Variants in GMEB1 observed in about 807,000 individuals in gnomAD.
GMEB1 encodes the protein glucocorticoid modulatory element binding protein 1, also known as glucocorticoid modulatory element-binding protein 1.
GMEB1 carries 6 observed loss-of-function variants against 52.4 expected under a neutral mutation model. The ratio of observed to expected loss-of-function variants is 0.11; its 90% CI spans 0.06 to 0.23. The LOEUF is 0.23. GMEB1 is among the 10% of genes least tolerant of loss of function. The pLI, the probability that GMEB1 is intolerant of heterozygous loss-of-function variation, is 1.00. For synonymous variants in GMEB1, 255 were observed against 244.9 expected, an observed-to-expected ratio of 1.04 and a Z score of -0.38; for missense variants, 486 against 685.6, an observed-to-expected ratio of 0.71 and a Z score of 3.25.
At chr1:28,702,411 T>C in intron 6 of GMEB1, 27 bp from the exon 7 acceptor site, 3 of 1,606,508 alleles carry the variant, frequency 1.9e-6, no homozygotes, top group Non-Finnish European at 2.6e-6. Flanking sequence ...AAATTCACTG[T>C]TCTCACCTCT....
At chr1:28,708,269 A>T (rs1374687862) in intron 8 of GMEB1, among the ~76,000 whole-genome samples, 2 of 151,754 alleles carry the variant, frequency 1.3e-5, no homozygotes, top group African/African-American at 4.8e-5. Flanking sequence ...GGTTCACACC[A>T]TTCTCCTGCC....
intron 7 of GMEB1, among the ~76,000 whole-genome samples, chr1:28,703,200 T>G (rs925473358): frequency 2.0e-5 from 3 of 152,148 alleles, no homozygotes; most frequent in Non-Finnish European, 2.9e-5. Flanking sequence ...TTTGAGATAT[T>G]AGAAGGAAAA....
chr1:28,668,769 TG>T (rs1436741607), upstream of GMEB1: 1 of 150,600 alleles, frequency 6.6e-6, no homozygotes, highest in Non-Finnish European at 1.5e-5. Flanking sequence ...GTAGCTGCCG[TG>T]GCGGCCTCTG....
intron 4 of GMEB1, 89 bp downstream of exon 4, chr1:28,691,798 T>TAG (rs528350265): frequency 5.6e-5 from 23 of 407,474 alleles, no homozygotes; most frequent in African/African-American, 5.0e-4. Context: ...TCTTCCACTA[T>TAG]ATCAGTTTTA....
intron 1 of GMEB1, among the ~76,000 whole-genome samples, chr1:28,681,609 C>A (rs1272191797): frequency 6.6e-6 from 1 of 152,018 alleles, no homozygotes; most frequent in East Asian, 1.9e-4. Context: ...ATTTTGGGAC[C>A]ATTGAGGGAA....
chr1:28,714,384 C>A lies in GMEB1; in HGVS notation c.1303C>A (p.Leu435Ile). ...TVHTLPSGPQ[L>I]FRYATVVSSA... ...CCACACACTGCCTTCTGGCCCTCAG[C>A]TCTTCCGCTATGCCACAGTGGTCTC... Residue 435 changes from leucine to isoleucine, a missense_variant, in exon 10 of 10, where the codon CTC becomes ATC. Transcript: ENST00000373816. The A allele has an allele frequency of 6.2e-7, 1 of 1,614,238 alleles. No homozygotes were observed. The highest frequency in any genetic ancestry group is 1.1e-5 in the South Asian group (1 of 91,086).
intron 1 of GMEB1, among the ~76,000 whole-genome samples, chr1:28,675,244 C>T (rs1669097096): frequency 6.6e-6 from 1 of 151,632 alleles, no homozygotes; most frequent in Admixed American, 6.6e-5. Flanking sequence ...GTCTTGATCT[C>T]CTGACCTTGT....
intron 5 of GMEB1, 31 bp downstream of exon 5, chr1:28,693,076 A>C: frequency 1.7e-6 from 2 of 1,157,794 alleles, no homozygotes; most frequent in Non-Finnish European, 2.5e-6. Context: ...CATACCTTTC[A>C]ACAAACTTTG....
At chr1:28,693,365 C>T (rs1173396738) in intron 5 of GMEB1, among the ~76,000 whole-genome samples, 3 of 150,256 alleles carry the variant, frequency 2.0e-5, no homozygotes, top group Non-Finnish European at 4.4e-5. Flanking sequence ...TTACAGGTGC[C>T]CACCACCACG....
At chr1:28,682,032 C>A (rs1053915080) in intron 1 of GMEB1, among the ~76,000 whole-genome samples, 2 of 152,028 alleles carry the variant, frequency 1.3e-5, no homozygotes, top group African/African-American at 4.8e-5. Flanking sequence ...CTCAAACTTG[C>A]ATCCATTGTG....
rs531642964 is a variant in GMEB1, at chr1:28,705,391, A to C, written c.868+1062A>C. Among the ~76,000 whole-genome samples, 8 of 151,300 alleles carry C rather than the reference A, an allele frequency of 5.3e-5. No homozygotes were observed. In the East Asian group the frequency reaches 1.6e-3, roughly 29 times the overall value. On this transcript the variant is annotated intron_variant, in intron 8 of 9. Coordinates refer to ENST00000373816, the MANE Select transcript of GMEB1 (RefSeq NM_001319674.2). ...TCTGGGTGATAGAGAACAAGACTCC[A>C]TCTAAAAAAAAAACTGACAGAAAGC...
At chr1:28,672,201 A>T (rs1194863781) in intron 1 of GMEB1, among the ~76,000 whole-genome samples, 5 of 58,218 alleles carry the variant, frequency 8.6e-5, no homozygotes, top group Non-Finnish European at 1.8e-4. Context: ...TTTTATTTTT[A>T]TTTATTTATT....
At chr1:28,694,961 CT>C (rs556692778) in intron 5 of GMEB1, among the ~76,000 whole-genome samples, 1,110 of 105,500 alleles carry the variant, frequency 0.011, 10 homozygotes, top group African/African-American at 0.038. Context: ...CGTGGCCAGC[CT>C]TTTTTTTTTT....
At chr1:28,672,682 G>A (rs1384669010) in intron 1 of GMEB1, among the ~76,000 whole-genome samples, 1 of 151,358 alleles carries the variant, frequency 6.6e-6, no homozygotes, top group African/African-American at 2.4e-5. Flanking sequence ...ATTTATATTA[G>A]GTATATCTAC....
intron 8 of GMEB1, 56 bp downstream of exon 8, chr1:28,704,385 GC>G: frequency 6.7e-7 from 1 of 1,496,346 alleles, no homozygotes; most frequent in Non-Finnish European, 9.1e-7. Flanking sequence ...ACCTCCGTAG[GC>G]AGGTCCTGTA....
chr1:28,690,032 A>C (rs372636409), intron 2 of GMEB1, 72 bp from the exon 3 acceptor site: 2 of 936,264 alleles, frequency 2.1e-6, no homozygotes, highest in Non-Finnish European at 3.3e-6. Flanking sequence ...CAAATTTCTT[A>C]ACCCCATGCT....
chr1:28,698,657 A>G (rs563084882), intron 6 of GMEB1, among the ~76,000 whole-genome samples: 1 of 149,866 alleles, frequency 6.7e-6, no homozygotes, highest in African/African-American at 2.4e-5. Flanking sequence ...CCTGGGCGAC[A>G]AAGCGAGACT....
At chr1:28,687,286 T>C (rs915897712) in intron 2 of GMEB1, among the ~76,000 whole-genome samples, 15 of 146,310 alleles carry the variant, frequency 1.0e-4, no homozygotes, top group African/African-American at 3.3e-4. Flanking sequence ...TAGTGAACTA[T>C]GATCTCACCA....
At chr1:28,710,694 C>G in intron 9 of GMEB1, 52 bp downstream of exon 9, 1 of 1,282,494 alleles carries the variant, frequency 7.8e-7, no homozygotes, top group Non-Finnish European at 1.0e-6. Flanking sequence ...ATATTCTTGT[C>G]TTCCCATTTT....
Sources: allele counts gnomAD v4.1 joint callset (sites outside exome capture counted in the v4.1 genomes callset), GRCh38; gene constraint gnomAD v4.1.1; transcripts MANE v1.5; gene names NCBI Gene and HGNC (gene_info 2026-07-23, HGNC 2026-07-21).